The following ITPA variants were observed in gnomAD, a reference collection of about 807,000 sequenced individuals.
ITPA encodes inosine triphosphatase, also known as inosine triphosphate pyrophosphatase.
ITPA carries 29 observed loss-of-function variants against 29.6 expected under a neutral mutation model. The observed-to-expected ratio is 0.98, with a 90% confidence interval of 0.73 to 1.34. The LOEUF (loss-of-function observed/expected upper bound fraction) is 1.34. ITPA is among the 40% of genes most tolerant of loss of function. The pLI is 0.00. For missense variants in ITPA, 241 were observed against 251.5 expected (o/e 0.96, Z 0.28); for synonymous variants, 103 against 99.3 (o/e 1.04, Z -0.22).
At chr20:3,208,461 C>A (rs1163622349), upstream of ITPA, among the ~76,000 whole-genome samples, 1 of 152,180 alleles carries the variant, frequency 6.6e-6, no homozygotes, top group Non-Finnish European at 1.5e-5. Context: ...CTGCAACCCC[C>A]ACCTCCCGAA....
chr20:3,213,874 AGATCT>A, intron 3 of ITPA, 106 bp from the exon 4 acceptor site: 1 of 1,080,350 alleles, frequency 9.3e-7, no homozygotes, highest in Non-Finnish European at 1.4e-6. Context: ...TGTCTGCCAC[AGATCT>A]CAGCTAGCTG....
At chr20:3,210,404 T>G (rs971463110) in intron 1 of ITPA, among the ~76,000 whole-genome samples, 13 of 152,340 alleles carry the variant, frequency 8.5e-5, no homozygotes, top group African/African-American at 2.6e-4. Flanking sequence ...CTACCAGATA[T>G]CAGCTCCGAC....
upstream of ITPA, chr20:3,209,082 T>C (rs1040955197): frequency 2.1e-5 from 5 of 240,156 alleles, no homozygotes; most frequent in African/African-American, 1.2e-4. This position sits in a 1 kb window ranked among gnomAD's most constrained non-coding sequence, Gnocchi z 4.6. Flanking sequence ...AAGTTCACAG[T>C]CGAGTGGATC....
upstream of ITPA, among the ~76,000 whole-genome samples, chr20:3,206,674 C>CA (rs759841699): frequency 2.0e-5 from 3 of 149,260 alleles, no homozygotes; most frequent in Non-Finnish European, 4.5e-5. Flanking sequence ...ACTAAAAATA[C>CA]AAAAAAATTA....
intron 7 of ITPA, among the ~76,000 whole-genome samples, chr20:3,223,010 G>A (rs1164093299): frequency 6.6e-6 from 1 of 152,184 alleles, no homozygotes; most frequent in Non-Finnish European, 1.5e-5. Flanking sequence ...GCGCATGAGA[G>A]GAGACTGCTG....
chr20:3,215,200 G>A lies in ITPA; in HGVS notation c.264-81G>A, dbSNP rs2067265906. On this transcript the variant is annotated intron_variant, in intron 4 of 7. Coordinates refer to ENST00000380113, the MANE Select transcript of ITPA (RefSeq NM_033453.4). ...CATTCTTTTTCATTTCCCCTTGGCT[G>A]TCAATAGGGAACAGCCTGGAAAAGG... is the stretch of plus-strand genomic sequence containing the variant. 4 of 1,424,466 alleles carry A rather than the reference G, an allele frequency of 2.8e-6. No individual in the cohort carries two copies. The African/African-American group carries it at 4.2e-5, about 15-fold the overall frequency. 88.2% of individuals were successfully genotyped at this position (1,424,466 alleles called of 1,614,324 possible).
intron 4 of ITPA, 148 bp from the exon 5 acceptor site, chr20:3,215,133 C>A: frequency 1.3e-6 from 1 of 757,192 alleles, no homozygotes; most frequent in Non-Finnish European, 2.4e-6. Flanking sequence ...TCCCAAAGTG[C>A]TGGGATTATA....
In ITPA at chr20:3,218,556, C is replaced by A. The variant is rs1406820389; in HGVS notation, c.335C>A (p.Ala112Asp). 1 of 1,614,004 alleles carries A rather than the reference C, an allele frequency of 6.2e-7. No homozygotes were observed. Residue 112 changes from alanine to aspartate, a missense_variant, in exon 6 of 8, where the codon GCC becomes GAC. Transcript: ENST00000380113. Reference protein sequence around the residue: ...QLLAGFEDKSAYALCTFALST... With the variant: ...QLLAGFEDKSDYALCTFALST... ...CTGGCCGGGTTCGAGGACAAGTCAG[C>A]CTATGCGCTCTGCACGTTTGCACTC...
intron 5 of ITPA, among the ~76,000 whole-genome samples, chr20:3,217,459 ATT>A (rs1397202282): frequency 6.6e-6 from 1 of 151,778 alleles, no homozygotes; most frequent in Non-Finnish European, 1.5e-5. Flanking sequence ...GCTTGTATTT[ATT>A]TTTATTTTTA....
At chr20:3,209,477 G>T, upstream of ITPA, 1 of 1,392,028 alleles carries the variant, frequency 7.2e-7, no homozygotes, top group Non-Finnish European at 1.0e-6. This position sits in a 1 kb window ranked among gnomAD's most constrained non-coding sequence, Gnocchi z 4.6. Context: ...GTTCACTTCC[G>T]CCACCAGCCG....
chr20:3,208,552 T>G (rs1385556327), upstream of ITPA, among the ~76,000 whole-genome samples: 1 of 152,108 alleles, frequency 6.6e-6, no homozygotes, highest in Non-Finnish European at 1.5e-5. Context: ...ATTTTGTACT[T>G]TTTGGTAGAG....
chr20:3,223,292 A>G, intron 7 of ITPA, 74 bp from the exon 8 acceptor site: 1 of 1,086,860 alleles, frequency 9.2e-7, no homozygotes, highest in Non-Finnish European at 1.4e-6. Context: ...CAGGGATGAG[A>G]TGAGGTAGGG....
intron 1 of ITPA, among the ~76,000 whole-genome samples, chr20:3,212,425 ATCC>A (rs960021351): frequency 5.9e-5 from 9 of 152,122 alleles, no homozygotes; most frequent in Admixed American, 1.3e-4. Context: ...TGCTCAAGCA[ATCC>A]TCCTGCCCCA....
chr20:3,205,794 C>T (rs1287152959), upstream of ITPA, among the ~76,000 whole-genome samples: 1 of 152,172 alleles, frequency 6.6e-6, no homozygotes, highest in African/African-American at 2.4e-5. Context: ...GTGGCTCTCC[C>T]CTGTAATCCT....
chr20:3,209,437 T>C (rs1265080996), upstream of ITPA: 3 of 1,018,384 alleles, frequency 2.9e-6, no homozygotes, highest in African/African-American at 3.2e-5. This position sits in a 1 kb window ranked among gnomAD's most constrained non-coding sequence, Gnocchi z 4.6. Context: ...GGGTCGGCTT[T>C]CCCCGGGACC....
At chr20:3,207,769 G>C (rs2067088070), upstream of ITPA, among the ~76,000 whole-genome samples, 1 of 151,826 alleles carries the variant, frequency 6.6e-6, no homozygotes, top group Admixed American at 6.6e-5. Flanking sequence ...GGCCGAGGTG[G>C]GCATATCACG....
downstream of ITPA, among the ~76,000 whole-genome samples, chr20:3,225,371 CGGTCTCCACCCCCCGCCACACCTCCAGG>C (rs2067543534): frequency 6.6e-6 from 1 of 152,114 alleles, no homozygotes; most frequent in South Asian, 2.1e-4. Flanking sequence ...CTGGGACTTT[CGGTCTCCACCCCCCGCCACACCTCCAGG>C]GAGGGGCAGG....
rs2122461763 is a variant in ITPA at position 3,223,418 on chromosome 20, G to A, written c.541G>A (p.Ala181Thr). Reference sequence around the variant, plus strand: ...GAACGCTGTCTCCCATCGCTTCCGGGCCCTGCTGGAGCTGCAGGAGTACTT... The same window carrying A: ...GAACGCTGTCTCCCATCGCTTCCGGACCCTGCTGGAGCTGCAGGAGTACTT... ...EKNAVSHRFRALLELQEYFGS... is the reference protein window; with the variant it reads ...EKNAVSHRFRTLLELQEYFGS... The change falls in exon 8 of 8, where the codon GCC becomes ACC. Residue 181 changes from alanine (A) to threonine (T), a missense_variant. Physicochemically the swap from Ala to Thr is moderately conservative, Grantham distance 58. Coordinates refer to ENST00000380113, the MANE Select transcript of ITPA (RefSeq NM_033453.4). 4 of 1,613,880 alleles carry A rather than the reference G, an allele frequency of 2.5e-6. No homozygotes were observed. The East Asian group carries it at 8.9e-5, about 36-fold the overall frequency.
At chr20:3,211,294 T>G (rs1002286870) in intron 1 of ITPA, among the ~76,000 whole-genome samples, 3 of 147,206 alleles carry the variant, frequency 2.0e-5, no homozygotes, top group Non-Finnish European at 4.5e-5. Context: ...GCCTCCCGAG[T>G]ATCTGGGATT....
Sources: gnomAD v4.1 joint callset for allele counts (sites outside exome capture counted in the v4.1 genomes callset) on GRCh38, gnomAD v4.1.1 for gene constraint, Gnocchi (gnomAD v3.1) non-coding constraint, MANE v1.5 for transcripts, NCBI Gene and HGNC (gene_info 2026-07-23, HGNC 2026-07-21) for gene names.